The following LYPLAL1 variants were observed in gnomAD, a reference collection of about 807,000 sequenced individuals.
LYPLAL1 encodes lysophospholipase-like protein 1.
Under a neutral mutation model 19.7 loss-of-function variants are expected in LYPLAL1, and 23 were observed. The observed-to-expected ratio is 1.17, with a 90% CI of 0.84 to 1.65. The LOEUF (loss-of-function observed/expected upper bound fraction) is 1.65, where lower values mean the gene tolerates loss of function less well. Among genes scored for constraint, LYPLAL1 ranks in the 40% most tolerant of loss-of-function variants. The pLI, the probability that LYPLAL1 is intolerant of heterozygous loss-of-function variation, is 0.00. For synonymous variants in LYPLAL1, 119 were observed against 96.3 expected, an observed-to-expected ratio of 1.24 and a Z score of -1.38; for missense variants, 355 against 279.4, an observed-to-expected ratio of 1.27 and a Z score of -1.93.
the LYPLAL1 span, among the ~76,000 whole-genome samples, chr1:219,422,022 C>T: frequency 6.6e-6 from 1 of 152,140 alleles, no homozygotes; most frequent in East Asian, 1.9e-4. Flanking sequence ...TGGTCAGTCA[C>T]TCTAAGCTTT....
chr1:219,323,753 C>A, the LYPLAL1 span, among the ~76,000 whole-genome samples: 1 of 152,032 alleles, frequency 6.6e-6, no homozygotes, highest in African/African-American at 2.4e-5. Flanking sequence ...TAATAAAAAC[C>A]TTAGAAAAAA....
the LYPLAL1 span, among the ~76,000 whole-genome samples, chr1:219,289,306 A>G: frequency 6.6e-6 from 1 of 152,062 alleles, no homozygotes; most frequent in Non-Finnish European, 1.5e-5. Context: ...AGCCCGTGAG[A>G]GCTGTAGTGA....
the LYPLAL1 span, among the ~76,000 whole-genome samples, chr1:219,374,293 A>G: frequency 6.6e-6 from 1 of 152,162 alleles, no homozygotes; most frequent in Non-Finnish European, 1.5e-5. Flanking sequence ...TACCAGCTAC[A>G]AACAAGCATT....
chr1:219,306,689 T>C, the LYPLAL1 span, among the ~76,000 whole-genome samples: 2 of 151,444 alleles, frequency 1.3e-5, no homozygotes, highest in South Asian at 4.2e-4. Flanking sequence ...CCTCCATAAT[T>C]ATGTGAGCCA....
the LYPLAL1 span, among the ~76,000 whole-genome samples, chr1:219,317,689 A>T: frequency 6.6e-6 from 1 of 152,194 alleles, no homozygotes; most frequent in Non-Finnish European, 1.5e-5. Flanking sequence ...CTTAGAAAGG[A>T]AAAAACAGAT....
chr1:219,310,899 G>A, the LYPLAL1 span, among the ~76,000 whole-genome samples: 2 of 152,220 alleles, frequency 1.3e-5, no homozygotes, highest in Non-Finnish European at 2.9e-5. Context: ...CCTTGGTAAA[G>A]TGAAAATAGT....
the LYPLAL1 span, among the ~76,000 whole-genome samples, chr1:219,311,894 A>G: frequency 1.3e-5 from 2 of 152,318 alleles, no homozygotes; most frequent in East Asian, 3.9e-4. Context: ...TCCTGCTGCT[A>G]ACCAATAAAA....
the LYPLAL1 span, among the ~76,000 whole-genome samples, chr1:219,340,390 A>G: frequency 6.6e-6 from 1 of 152,040 alleles, no homozygotes; most frequent in Admixed American, 6.6e-5. Context: ...GTTATTATAC[A>G]AGAAAGAATA....
chr1:219,193,168 C>T lies in LYPLAL1; in HGVS notation c.278C>T (p.Ser93Leu). ...ITNDCPEHLE[S>L]IDVMCQVLTD... The stretch of plus-strand genomic sequence containing the variant: ...AATGACTGCCCAGAACACCTTGAAT[C>T]AATTGATGTCATGTGTCAAGTGCTT... Residue 93 changes from serine (S) to leucine (L), a missense_variant, in exon 3 of 5, where the codon TCA (serine) becomes TTA (leucine). Physicochemically the swap from Ser to Leu is moderately radical, Grantham distance 145 (BLOSUM62 -2). Coordinates refer to ENST00000366928, the MANE Select transcript of LYPLAL1 (RefSeq NM_138794.5). The T allele has an allele frequency of 6.2e-7, 1 of 1,609,314 alleles. No homozygotes were observed. The highest frequency in any genetic ancestry group is 1.1e-5 in the South Asian group (1 of 90,904).
At chr1:219,403,791 G>A in the LYPLAL1 span, among the ~76,000 whole-genome samples, 1 of 152,160 alleles carries the variant, frequency 6.6e-6, no homozygotes, top group African/African-American at 2.4e-5. Context: ...CATCCATGCA[G>A]TGAGAACTTT....
At chr1:219,300,663 T>G in the LYPLAL1 span, among the ~76,000 whole-genome samples, 30 of 151,062 alleles carry the variant, frequency 2.0e-4, no homozygotes, top group Non-Finnish European at 3.8e-4. Context: ...GCCTCCTGAG[T>G]AGCTGGGACT....
chr1:219,403,911 G>A, the LYPLAL1 span, among the ~76,000 whole-genome samples: 4 of 152,078 alleles, frequency 2.6e-5, no homozygotes, highest in Non-Finnish European at 2.9e-5. Context: ...AAATACCGTA[G>A]GCTGGGTGGC....
At chr1:219,445,276 G>A in the LYPLAL1 span, among the ~76,000 whole-genome samples, 3 of 151,518 alleles carry the variant, frequency 2.0e-5, no homozygotes, top group Admixed American at 2.0e-4. Flanking sequence ...AGCATTCCTG[G>A]ATCAATGGAA....
intron 3 of LYPLAL1, among the ~76,000 whole-genome samples, chr1:219,203,128 G>A (rs542539521): frequency 2.6e-5 from 4 of 152,284 alleles, no homozygotes; most frequent in Non-Finnish European, 4.4e-5. Flanking sequence ...CTGATTTAAT[G>A]TAAGACAGTA....
At chr1:219,335,613 T>G in the LYPLAL1 span, among the ~76,000 whole-genome samples, 5,021 of 150,870 alleles carry the variant, frequency 0.033, 271 homozygotes, top group African/African-American at 0.11. Context: ...TTTAAAAAAC[T>G]GCACTAAAAA....
the LYPLAL1 span, among the ~76,000 whole-genome samples, chr1:219,338,769 A>G: frequency 8.5e-4 from 129 of 152,036 alleles, 1 homozygote; most frequent in African/African-American, 2.3e-3. Context: ...TAGTAACTCC[A>G]TGCCTTAGAT....
chr1:219,306,849 T>TAGATAGATAGATAGATAGAC, the LYPLAL1 span, among the ~76,000 whole-genome samples: 3 of 135,304 alleles, frequency 2.2e-5, no homozygotes, highest in African/African-American at 8.4e-5. Flanking sequence ...GATAGATAGA[T>TAGATAGATAGATAGATAGAC]AGACAGACAG....
intron 1 of LYPLAL1, 70 bp downstream of exon 1, chr1:219,174,051 T>TG: frequency 6.3e-7 from 1 of 1,597,970 alleles, no homozygotes; most frequent in Non-Finnish European, 8.5e-7. Flanking sequence ...ACCCCAGTAT[T>TG]GCCCAAGTGG....
At chr1:219,382,504 C>T in the LYPLAL1 span, among the ~76,000 whole-genome samples, 1 of 152,112 alleles carries the variant, frequency 6.6e-6, no homozygotes, top group African/African-American at 2.4e-5. Context: ...GGACTACAGG[C>T]GCCCACCACT....
Sources: allele counts gnomAD v4.1 joint callset (sites outside exome capture counted in the v4.1 genomes callset), GRCh38; gene constraint gnomAD v4.1.1; transcripts MANE v1.5; gene names NCBI Gene and HGNC (gene_info 2026-07-23, HGNC 2026-07-21).